PTPRM: variants seen among roughly 807,000 people sequenced by gnomAD.
PTPRM encodes protein tyrosine phosphatase receptor type M, also known as receptor-type tyrosine-protein phosphatase mu.
In PTPRM, 47 loss-of-function variants were observed where a neutral mutation model predicts 186.7. That is an observed-to-expected ratio of 0.25 (90% CI 0.20 to 0.32). The LOEUF is 0.32. PTPRM is among the 10% of genes least tolerant of loss of function. The probability of loss-of-function intolerance (pLI) is 1.00; values close to 1 mark genes in which losing one functional copy is unlikely to be tolerated. For synonymous variants in PTPRM, 668 were observed against 674.9 expected, an observed-to-expected ratio of 0.99 and a Z score of 0.16; for missense variants, 1,494 against 1,865.0, an observed-to-expected ratio of 0.80 and a Z score of 3.66.
At chr18:8,300,954 A>G (rs2095150666) in intron 20 of PTPRM, among the ~76,000 whole-genome samples, 1 of 152,124 alleles carries the variant, frequency 6.6e-6, no homozygotes, top group Non-Finnish European at 1.5e-5. Context: ...CATGACTCAC[A>G]CGTACATAGT....
chr18:7,633,854 AC>A (rs1485423199), intron 1 of PTPRM, among the ~76,000 whole-genome samples: 8 of 152,068 alleles, frequency 5.3e-5, no homozygotes. Context: ...ATTTCCAACC[AC>A]CATCCCGGCC....
intron 14 of PTPRM, among the ~76,000 whole-genome samples, chr18:8,173,856 G>A (rs921105411): frequency 6.6e-6 from 1 of 152,152 alleles, no homozygotes; most frequent in Admixed American, 6.5e-5. Flanking sequence ...ATCACTTGAG[G>A]TCAGGAGTTC....
chr18:8,142,864 C>T (rs1435127125), intron 13 of PTPRM, among the ~76,000 whole-genome samples: 1 of 152,068 alleles, frequency 6.6e-6, no homozygotes, highest in Non-Finnish European at 1.5e-5. Flanking sequence ...GCAGAGGAAA[C>T]GTATATTTCA....
intron 2 of PTPRM, among the ~76,000 whole-genome samples, chr18:7,789,589 T>G (rs1206835800): frequency 6.6e-6 from 1 of 152,158 alleles, no homozygotes; most frequent in African/African-American, 2.4e-5. Flanking sequence ...AGAAAGGGCT[T>G]GTTATCTGGA....
intron 7 of PTPRM, among the ~76,000 whole-genome samples, chr18:7,974,134 C>G (rs902333239): frequency 6.6e-6 from 1 of 152,092 alleles, no homozygotes; most frequent in African/African-American, 2.4e-5. Flanking sequence ...ACAGGGAAAC[C>G]AGCTAAAAAG....
At chr18:7,937,306 G>T (rs1254056106) in intron 5 of PTPRM, among the ~76,000 whole-genome samples, 2 of 152,186 alleles carry the variant, frequency 1.3e-5, no homozygotes, top group Non-Finnish European at 2.9e-5. Context: ...CCTCTTCGTG[G>T]CTCTGCAGTT....
At chr18:7,851,890 A>C (rs1326869287) in intron 2 of PTPRM, among the ~76,000 whole-genome samples, 1 of 152,198 alleles carries the variant, frequency 6.6e-6, no homozygotes, top group African/African-American at 2.4e-5. Flanking sequence ...TTGTTAACTC[A>C]AGAAAAAGAG....
At chr18:7,599,045 G>A (rs1598490460) in intron 1 of PTPRM, among the ~76,000 whole-genome samples, 1 of 152,132 alleles carries the variant, frequency 6.6e-6, no homozygotes, top group Non-Finnish European at 1.5e-5. Context: ...TCTGTGGCAT[G>A]AGTAGTTTAA....
intron 15 of PTPRM, among the ~76,000 whole-genome samples, chr18:8,245,438 T>C (rs1431792837): frequency 6.6e-6 from 1 of 152,138 alleles, no homozygotes; most frequent in Non-Finnish European, 1.5e-5. Context: ...TACCCTTTCC[T>C]GTCATTTTCA....
At chr18:8,039,984 A>G (rs1375029110) in intron 7 of PTPRM, among the ~76,000 whole-genome samples, 1 of 152,230 alleles carries the variant, frequency 6.6e-6, no homozygotes, top group Non-Finnish European at 1.5e-5. Context: ...TGCAAACAGC[A>G]TATTGTAAAC....
At chr18:8,281,345 G>T (rs1343310447) in intron 19 of PTPRM, among the ~76,000 whole-genome samples, 3 of 152,194 alleles carry the variant, frequency 2.0e-5, no homozygotes, top group African/African-American at 7.2e-5. Context: ...TCCTCTAGAA[G>T]TGTTTTGTTC....
At chr18:8,002,071 G>A (rs1215086211) in intron 7 of PTPRM, among the ~76,000 whole-genome samples, 3 of 152,168 alleles carry the variant, frequency 2.0e-5, no homozygotes, top group Non-Finnish European at 4.4e-5. Flanking sequence ...CGTGAGATGA[G>A]ATCATAGAAA....
At chr18:7,792,167 T>C (rs750860031) in intron 2 of PTPRM, among the ~76,000 whole-genome samples, 21 of 152,234 alleles carry the variant, frequency 1.4e-4, no homozygotes, top group South Asian at 6.2e-4. Context: ...TGAAGGAGCT[T>C]CTTAATAAAC....
At chr18:7,731,732 C>A (rs1228538842) in intron 1 of PTPRM, among the ~76,000 whole-genome samples, 2 of 152,096 alleles carry the variant, frequency 1.3e-5, no homozygotes, top group Non-Finnish European at 2.9e-5. Flanking sequence ...GGAAAGATAA[C>A]CATGGCACGA....
chr18:7,758,110 A>G (rs1435330322), intron 1 of PTPRM, among the ~76,000 whole-genome samples: 1 of 152,168 alleles, frequency 6.6e-6, no homozygotes, highest in Admixed American at 6.5e-5. Flanking sequence ...TGTGTTAGTA[A>G]TTTATCCCAG....
chr18:8,116,693 G>C (rs1178227454), intron 13 of PTPRM, among the ~76,000 whole-genome samples: 1 of 152,196 alleles, frequency 6.6e-6, no homozygotes. Flanking sequence ...AGTAAATGTG[G>C]AAACCTGACA....
chr18:8,134,343 T>A (rs1379028839), intron 13 of PTPRM, among the ~76,000 whole-genome samples: 1 of 152,198 alleles, frequency 6.6e-6, no homozygotes, highest in African/African-American at 2.4e-5. Flanking sequence ...CCCACCGTGT[T>A]AAAGAGACTG....
intron 4 of PTPRM, among the ~76,000 whole-genome samples, chr18:7,925,282 A>G (rs1217428811): frequency 3.3e-5 from 5 of 152,218 alleles, no homozygotes; most frequent in Non-Finnish European, 4.4e-5. Context: ...TTAAGAAACA[A>G]TGGTCCATGG....
intron 1 of PTPRM, among the ~76,000 whole-genome samples, chr18:7,659,461 TTTA>T (rs1229962054): frequency 6.6e-6 from 1 of 152,206 alleles, no homozygotes; most frequent in Non-Finnish European, 1.5e-5. Context: ...AGTTATCTTG[TTTA>T]TTAATGTGTT....
Sources: gnomAD v4.1 joint callset for allele counts (sites outside exome capture counted in the v4.1 genomes callset) on GRCh38, gnomAD v4.1.1 for gene constraint, MANE v1.5 for transcripts, NCBI Gene and HGNC (gene_info 2026-07-23, HGNC 2026-07-21) for gene names.